GADL1: variants seen among roughly 807,000 people sequenced by gnomAD.
GADL1 encodes acidic amino acid decarboxylase GADL1.
GADL1 carries 71 observed loss-of-function variants against 69.5 expected under a neutral mutation model. That is an observed-to-expected ratio of 1.02 (90% CI 0.84 to 1.25). The LOEUF (loss-of-function observed/expected upper bound fraction) is 1.25. Among genes scored for constraint, GADL1 ranks in the 50% most tolerant of loss-of-function variants. The pLI is 0.00. For synonymous variants in GADL1, 254 were observed against 214.4 expected (o/e 1.18, Z -1.62); for missense variants, 737 against 631.8 (o/e 1.17, Z -1.79).
intron 14 of GADL1, among the ~76,000 whole-genome samples, chr3:30,770,732 C>T (rs764375068): frequency 6.6e-6 from 1 of 152,098 alleles, no homozygotes; most frequent in Non-Finnish European, 1.5e-5. Flanking sequence ...GAAATGCCAG[C>T]TTCATTCTTT....
intron 11 of GADL1, among the ~76,000 whole-genome samples, chr3:30,830,480 T>C (rs113362813): frequency 0.019 from 2,890 of 152,024 alleles, 172 homozygotes; most frequent in Admixed American, 0.12. Flanking sequence ...TTCTTACATG[T>C]TCTTCCCTGT....
intron 14 of GADL1, among the ~76,000 whole-genome samples, chr3:30,769,148 C>T (rs938082668): frequency 2.0e-5 from 3 of 152,132 alleles, no homozygotes; most frequent in Non-Finnish European, 4.4e-5. Context: ...CTGCAAGCCA[C>T]CATCCTAGGC....
chr3:30,796,825 C>T (rs964293106), intron 12 of GADL1, among the ~76,000 whole-genome samples: 11 of 152,036 alleles, frequency 7.2e-5, no homozygotes, highest in Non-Finnish European at 1.0e-4. Flanking sequence ...CGCTTACTAC[C>T]GAGAGTCCTC....
chr3:30,889,084 T>TCAAAA (rs747921613), intron 1 of GADL1, among the ~76,000 whole-genome samples: 1 of 32,916 alleles, frequency 3.0e-5, no homozygotes, highest in Non-Finnish European at 6.7e-5. Context: ...CGGTAATCTA[T>TCAAAA]AAAAAAAAAA....
At chr3:30,824,495 CACAAAAATACTCATAGCAA>C (rs138824049) in intron 11 of GADL1, among the ~76,000 whole-genome samples, 40,117 of 151,176 alleles carry the variant, frequency 0.27, 6,380 homozygotes, top group African/African-American at 0.42. Flanking sequence ...AAGATATGTG[CACAAAAATACTCATAGCAA>C]ATTTTTATAA....
intron 14 of GADL1, among the ~76,000 whole-genome samples, chr3:30,731,977 G>T (rs1695464180): frequency 6.6e-6 from 1 of 152,118 alleles, no homozygotes; most frequent in Admixed American, 6.5e-5. Context: ...CCTCTCACTT[G>T]TCTGATTCCC....
intron 11 of GADL1, among the ~76,000 whole-genome samples, chr3:30,816,683 C>A (rs1187288625): frequency 6.6e-6 from 1 of 151,402 alleles, no homozygotes; most frequent in Non-Finnish European, 1.5e-5. Context: ...GTAGCTGGGA[C>A]TACAGGCGCA....
intron 11 of GADL1, among the ~76,000 whole-genome samples, chr3:30,828,458 C>T (rs1250820019): frequency 7.5e-6 from 1 of 132,620 alleles, no homozygotes; most frequent in Non-Finnish European, 1.7e-5. Context: ...TTTTCTGCTA[C>T]TCCTTCTCCA....
rs576637387 is a variant in GADL1 at position 30,806,046 on chromosome 3, G to A, written c.1051-4958C>T. 7.2e-5 allele frequency among the ~76,000 whole-genome samples: 11 copies of A among 151,996 alleles called. No homozygotes were observed. The East Asian group carries it at 1.6e-3, about 21-fold the overall frequency. ...CCCGGTTCCTAACAGGCCATGAACC[G>A]GTACAGGTCTGTGGCCTGGGTGGGA... On this transcript the variant is annotated intron_variant, in intron 11 of 14. Transcript: ENST00000282538.
At chr3:30,790,585 T>C (rs910295511) in intron 12 of GADL1, among the ~76,000 whole-genome samples, 4 of 152,138 alleles carry the variant, frequency 2.6e-5, no homozygotes, top group African/African-American at 9.7e-5. Flanking sequence ...CAGAAATAAA[T>C]TTTAGAGTGA....
At chr3:30,800,091 T>G (rs1349944160) in intron 12 of GADL1, 1 of 153,242 alleles carries the variant, frequency 6.5e-6, no homozygotes, top group African/African-American at 2.4e-5. Flanking sequence ...TCCACATTTT[T>G]GGGTATCTTT....
At chr3:30,812,340 C>A (rs1697373177) in intron 11 of GADL1, among the ~76,000 whole-genome samples, 1 of 152,138 alleles carries the variant, frequency 6.6e-6, no homozygotes, top group South Asian at 2.1e-4. Context: ...CATAGATATA[C>A]CAGAGACTGG....
intron 14 of GADL1, among the ~76,000 whole-genome samples, chr3:30,771,789 A>C (rs1220315418): frequency 1.3e-5 from 2 of 152,222 alleles, no homozygotes; most frequent in African/African-American, 4.8e-5. Flanking sequence ...TGAAAAATAC[A>C]CAGCTTTCAA....
chr3:30,807,497 C>G (rs1393750), intron 11 of GADL1, among the ~76,000 whole-genome samples: 1 of 151,930 alleles, frequency 6.6e-6, no homozygotes, highest in East Asian at 1.9e-4. Context: ...ACTTGATGTC[C>G]TTGGTAGATG....
chr3:30,781,903 G>T (rs1375498811), intron 13 of GADL1, among the ~76,000 whole-genome samples: 1 of 152,210 alleles, frequency 6.6e-6, no homozygotes, highest in East Asian at 1.9e-4. Flanking sequence ...GTGCACTAGT[G>T]AGGTACATCA....
chr3:30,844,165 G>GCACACA, intron 8 of GADL1, 45 bp downstream of exon 8: 1 of 1,481,410 alleles, frequency 6.8e-7, no homozygotes. Flanking sequence ...GGGCGTGCGC[G>GCACACA]CACACACACA....
intron 1 of GADL1, among the ~76,000 whole-genome samples, chr3:30,877,687 A>G (rs1310359469): frequency 6.6e-6 from 1 of 151,958 alleles, no homozygotes; most frequent in African/African-American, 2.4e-5. Flanking sequence ...ACAACACAGC[A>G]TACAGAGTGC....
chr3:30,763,642 G>T (rs752881969), intron 14 of GADL1, among the ~76,000 whole-genome samples: 5 of 152,144 alleles, frequency 3.3e-5, no homozygotes, highest in African/African-American at 9.7e-5. Context: ...CTAAGAGGAA[G>T]CCTATTTTAT....
chr3:30,768,507 G>A lies in GADL1; in HGVS notation c.1392+9672C>T, dbSNP rs1038458191. Among the ~76,000 whole-genome samples the A allele has an allele frequency of 2.8e-5, 4 of 143,120 alleles. No individual in the cohort carries two copies. In the East Asian group the frequency reaches 7.2e-4, roughly 26 times the overall value. 93.9% of individuals were successfully genotyped at this position (143,120 alleles called of 152,430 possible). On this transcript the variant is annotated intron_variant, in intron 14 of 14. Coordinates refer to ENST00000282538, the MANE Select transcript of GADL1 (RefSeq NM_207359.3). ...ATATTTATCAATTGAGGGGGAACAAGATATTAGAGGAAATAAGAATGAAAT... is the reference window on the plus strand; with the variant it reads ...ATATTTATCAATTGAGGGGGAACAAAATATTAGAGGAAATAAGAATGAAAT...
Sources: gnomAD v4.1 joint callset for allele counts (sites outside exome capture counted in the v4.1 genomes callset) on GRCh38, gnomAD v4.1.1 for gene constraint, MANE v1.5 for transcripts, NCBI Gene and HGNC (gene_info 2026-07-23, HGNC 2026-07-21) for gene names.